The following PCNX2 variants were observed in gnomAD, a reference collection of about 807,000 sequenced individuals.
PCNX2 encodes pecanex 2.
In PCNX2, 168 loss-of-function variants were observed where a neutral mutation model predicts 223.8. The observed-to-expected ratio is 0.75, with a 90% CI of 0.66 to 0.85. PCNX2 has a LOEUF of 0.85. Among genes scored for constraint, PCNX2 ranks in the 40% least tolerant of loss-of-function variants. The pLI, the probability that PCNX2 is intolerant of heterozygous loss-of-function variation, is 0.00. For synonymous variants in PCNX2, 1,006 were observed against 1,052.6 expected (o/e 0.96, Z 0.86); for missense variants, 2,507 against 2,675.5 (o/e 0.94, Z 1.39).
At chr1:233,218,497 T>G (rs557527766) in intron 10 of PCNX2, among the ~76,000 whole-genome samples, 2 of 151,966 alleles carry the variant, frequency 1.3e-5, no homozygotes, top group Non-Finnish European at 2.9e-5. Context: ...TGATCTGCCC[T>G]CCTTGGCCTC....
Position 233,208,570 on chromosome 1 carries a change from G to A in PCNX2, c.2811C>T (p.Gly937=). The A allele has an allele frequency of 6.2e-7, 1 of 1,613,756 alleles. No homozygotes were observed. The highest frequency in any genetic ancestry group is 1.7e-5 in the Admixed American group (1 of 60,010). ...GAAACACTGGAGAGAAGAGCTTCAGGCCATACACAACGTAACTGGGAGGGT... is the reference window on the plus strand; with the variant it reads ...GAAACACTGGAGAGAAGAGCTTCAGACCATACACAACGTAACTGGGAGGGT... ...ARHPPSYVVY[G]LKLFSPVFLQ... is the part of the protein sequence containing the mutation. Residue 937 remains glycine (G), a synonymous_variant, in exon 13 of 34, where the codon GGC becomes GGT. Coordinates refer to ENST00000258229, the MANE Select transcript of PCNX2 (RefSeq NM_014801.4).
rs760310554 is a variant in PCNX2 at position 232,991,535 on chromosome 1, G to T, written c.5792-4995C>A. On this transcript the variant is annotated intron_variant, in intron 32 of 33. Coordinates refer to ENST00000258229, the MANE Select transcript of PCNX2 (RefSeq NM_014801.4). This position sits in a 1 kb window ranked among gnomAD's most constrained non-coding sequence, Gnocchi z 4.3. ...CTAACCCCCAGGACCTCAGGGTGGGGCCTTACTTTGACACAGGGTCGTTGC... is the reference window on the plus strand; with the variant it reads ...CTAACCCCCAGGACCTCAGGGTGGGTCCTTACTTTGACACAGGGTCGTTGC... 2.0e-5 allele frequency among the ~76,000 whole-genome samples: 3 copies of T among 152,158 alleles called. No individual in the cohort carries two copies. The highest frequency in any genetic ancestry group is 2.9e-5 in the Non-Finnish European group (2 of 68,036).
intron 9 of PCNX2, among the ~76,000 whole-genome samples, chr1:233,235,703 G>A (rs1019685364): frequency 6.6e-6 from 1 of 152,060 alleles, no homozygotes; most frequent in African/African-American, 2.4e-5. Flanking sequence ...CTGAGTTCAA[G>A]CAATTCTCGT....
chr1:233,321,863 T>G, the PCNX2 span, among the ~76,000 whole-genome samples: 3 of 152,198 alleles, frequency 2.0e-5, no homozygotes, highest in Non-Finnish European at 4.4e-5. Flanking sequence ...GCATCATCAG[T>G]GCAAATGTCA....
At chr1:233,054,205 T>G in intron 25 of PCNX2, 63 bp downstream of exon 25, 6 of 1,459,160 alleles carry the variant, frequency 4.1e-6, no homozygotes, top group Non-Finnish European at 5.7e-6. Flanking sequence ...TTCCTAAAGT[T>G]TTGCTTGATA....
chr1:233,163,734 G>A (rs569666448), intron 17 of PCNX2, among the ~76,000 whole-genome samples: 52 of 151,774 alleles, frequency 3.4e-4, no homozygotes, highest in African/African-American at 1.3e-3. Context: ...TGTCTTTAGT[G>A]ATCCTTCTGC....
rs574050083 is a variant in PCNX2 at position 233,035,389 on chromosome 1, T to C, written c.4352-9990A>G. Among the ~76,000 whole-genome samples, 7 of 152,354 alleles carry C rather than the reference T, an allele frequency of 4.6e-5. No individual in the cohort carries two copies. The East Asian group carries it at 1.3e-3, about 29-fold the overall frequency. ...CCAAAATTTCATCAATATGATTACATTTAAAACATTGTAAATGTTTAAAAC... is the reference window on the plus strand; with the variant it reads ...CCAAAATTTCATCAATATGATTACACTTAAAACATTGTAAATGTTTAAAAC... On this transcript the variant is annotated intron_variant, in intron 25 of 33. Transcript: ENST00000258229.
At position 233,295,176 on chromosome 1, in the gene PCNX2, C is replaced by A; in HGVS notation, c.153+150G>T. ...ACAGTCCCCTTTCCCTGCATGTTCT[C>A]TGTCCCAAATTTCTGAAGCCCCTCC... On this transcript the variant is annotated intron_variant, in intron 1 of 33. Transcript: ENST00000258229. The surrounding 1 kb of genome is among the most constrained non-coding windows in gnomAD (Gnocchi z 4.1). 8.8e-7 allele frequency: 1 copy of A among 1,136,850 alleles called. No individual in the cohort carries two copies. 70.4% of individuals were successfully genotyped at this position (1,136,850 alleles called of 1,614,324 possible). A position where few individuals can be genotyped will look rare whatever the true frequency, so the allele number is the denominator to read the frequency against.
intron 21 of PCNX2, among the ~76,000 whole-genome samples, chr1:233,116,697 A>G (rs1213131788): frequency 6.6e-6 from 1 of 152,162 alleles, no homozygotes; most frequent in Admixed American, 6.5e-5. Flanking sequence ...ACATTAGAAA[A>G]GAGGAAAAGT....
At chr1:233,224,640 A>C (rs111683781) in intron 10 of PCNX2, among the ~76,000 whole-genome samples, 2,507 of 152,240 alleles carry the variant, frequency 0.016, 83 homozygotes, top group African/African-American at 0.057. Context: ...CAAAGGTCCC[A>C]AACAGCTCAG....
intron 23 of PCNX2, among the ~76,000 whole-genome samples, chr1:233,067,649 T>A (rs7522807): frequency 0.21 from 31,989 of 151,782 alleles, 5,462 homozygotes; most frequent in African/African-American, 0.47. Flanking sequence ...AATTTTTGTA[T>A]TTTAATAGAG....
At chr1:233,087,822 C>G (rs780914106) in intron 23 of PCNX2, among the ~76,000 whole-genome samples, 37 of 152,100 alleles carry the variant, frequency 2.4e-4, no homozygotes, top group Non-Finnish European at 4.3e-4. Context: ...TTGGAAAGAC[C>G]TAGGAAAGGG....
At chr1:233,080,789 G>A (rs1199694800) in intron 23 of PCNX2, among the ~76,000 whole-genome samples, 4 of 152,078 alleles carry the variant, frequency 2.6e-5, no homozygotes, top group African/African-American at 9.7e-5. Context: ...GGGGGAGAAG[G>A]GACCCAAACA....
intron 21 of PCNX2, among the ~76,000 whole-genome samples, chr1:233,106,719 T>C (rs1255768297): frequency 1.3e-5 from 2 of 152,164 alleles, no homozygotes; most frequent in Non-Finnish European, 2.9e-5. Context: ...ATTCACCTCC[T>C]ATCAGGATGC....
At chr1:233,266,929 A>T (rs527921919) in intron 1 of PCNX2, among the ~76,000 whole-genome samples, 1 of 152,178 alleles carries the variant, frequency 6.6e-6, no homozygotes, top group Admixed American at 6.5e-5. Flanking sequence ...AAGCAGTTAC[A>T]GTTCTTCCCA....
intron 13 of PCNX2, chr1:233,201,714 A>G (rs767381744): frequency 3.6e-4 from 55 of 153,090 alleles, no homozygotes; most frequent in Non-Finnish European, 6.7e-4. Context: ...GAAGAACCAC[A>G]GGGAAAAGTC....
At position 233,170,215 on chromosome 1, in the gene PCNX2, A is replaced by G. The variant is rs557725653; in HGVS notation, c.3273+7587T>C. On this transcript the variant is annotated intron_variant, in intron 17 of 33. Transcript: ENST00000258229. ...GCAGTCTATTCATGTCTTAAACTTT[A>G]TGTTATTAAACTTTTGTCCAAAATG... Among the ~76,000 whole-genome samples the G allele has an allele frequency of 1.3e-4, 20 of 152,308 alleles. No individual in the cohort carries two copies. The South Asian group carries it at 3.5e-3, about 27-fold the overall frequency.
At chr1:233,129,515 C>T (rs1027002635) in intron 21 of PCNX2, among the ~76,000 whole-genome samples, 2 of 152,200 alleles carry the variant, frequency 1.3e-5, no homozygotes, top group Non-Finnish European at 1.5e-5. Flanking sequence ...GTTCACAGTG[C>T]GGGACTGGCA....
At chr1:232,986,961 A>T (rs1669513728) in intron 32 of PCNX2, among the ~76,000 whole-genome samples, 1 of 152,200 alleles carries the variant, frequency 6.6e-6, no homozygotes, top group Non-Finnish European at 1.5e-5. Context: ...CTGGCTCAGG[A>T]CCTTGGTTCC....
Sources: gnomAD v4.1 joint callset for allele counts (sites outside exome capture counted in the v4.1 genomes callset) on GRCh38, gnomAD v4.1.1 for gene constraint, Gnocchi (gnomAD v3.1) non-coding constraint, MANE v1.5 for transcripts, NCBI Gene and HGNC (gene_info 2026-07-23, HGNC 2026-07-21) for gene names.